Variants in RNF213 observed in about 807,000 individuals in gnomAD.
RNF213 encodes E3 ubiquitin-protein ligase RNF213.
Under a neutral mutation model 514.4 loss-of-function variants are expected in RNF213, and 341 were observed. The observed-to-expected ratio is 0.66, with a 90% confidence interval of 0.61 to 0.73. RNF213 has a LOEUF of 0.73. Ranked by LOEUF, RNF213 falls within the 30% of genes least tolerant of loss-of-function variation. The probability of loss-of-function intolerance (pLI) is 0.00; values close to 1 mark genes in which losing one functional copy is unlikely to be tolerated. For synonymous variants in RNF213, 2,655 were observed against 2,658.2 expected (o/e 1.00, Z 0.04); for missense variants, 5,767 against 6,615.6 (o/e 0.87, Z 4.45).
chr17:80,273,170 G>A, intron 2 of RNF213, 71 bp from the exon 3 acceptor site: 2 of 1,589,872 alleles, frequency 1.3e-6, no homozygotes, highest in Admixed American at 1.7e-5. Context: ...CTCGTGGGGA[G>A]GATTTCTGTT....
At chr17:80,303,478 C>T (rs1394772775) in intron 11 of RNF213, among the ~76,000 whole-genome samples, 2 of 152,148 alleles carry the variant, frequency 1.3e-5, no homozygotes, top group Non-Finnish European at 2.9e-5. Context: ...ATCCCAACTT[C>T]TGCTAAAGGC....
rs550220220 is a variant in RNF213 at position 80,360,107 on chromosome 17, C to G, written c.11101C>G (p.Leu3701Val). The change falls in exon 38 of 68, where the codon CTT becomes GTT. Residue 3701 changes from leucine to valine, a missense_variant. By Grantham distance (32) the Leu-to-Val change is conservative. This residue lies in a region of RNF213 where 919 missense variants were observed against 1,121.0 expected (regional missense o/e 0.82). Coordinates refer to ENST00000582970, the MANE Select transcript of RNF213 (RefSeq NM_001256071.3). ...AYIVVQNHMNLSENASNNVPF... is the reference protein window; with the variant it reads ...AYIVVQNHMNVSENASNNVPF... ...CATCGTGGTGCAGAACCACATGAAC[C>G]TTTCCGAGAACGCTTCCAACAACGT... The G allele has an allele frequency of 1.4e-5, 22 of 1,614,154 alleles. No homozygotes were observed. The highest frequency in any genetic ancestry group is 1.3e-4 in the Admixed American group (8 of 60,014).
Position 80,343,018 on chromosome 17 carries a change from G to A in RNF213, c.5990-114G>A, listed in dbSNP as rs1183676280. ...GGACGGGATTTCACCACGTTGACCA[G>A]GCTGGCTTTGAACTCCTGACCTCAA... On this transcript the variant is annotated intron_variant, in intron 26 of 67. Transcript: ENST00000582970. This position sits in a 1 kb window ranked among gnomAD's most constrained non-coding sequence, Gnocchi z 4.3. 15 of 835,552 alleles carry A rather than the reference G, an allele frequency of 1.8e-5. No individual in the cohort carries two copies. The highest frequency in any genetic ancestry group is 3.0e-5 in the Non-Finnish European group (15 of 498,316). The allele number at this position is 835,552 out of a possible 1,614,324, so 51.8% of individuals were successfully genotyped here.
intron 2 of RNF213, among the ~76,000 whole-genome samples, chr17:80,271,945 A>C (rs910388995): frequency 1.3e-4 from 19 of 149,976 alleles, no homozygotes; most frequent in Non-Finnish European, 2.2e-4. Flanking sequence ...GCACCACTGC[A>C]CTCCAGCCTG....
chr17:80,291,685 C>T lies in RNF213; in HGVS notation c.1329C>T (p.His443=), dbSNP rs1361628530. The T allele has an allele frequency of 6.2e-7, 1 of 1,614,146 alleles. No homozygotes were observed. Among genetic ancestry groups the T allele is most frequent in the East Asian group, 2.2e-5 (1 of 44,882 alleles). The part of the protein sequence containing the change: ...VEGIVCISKK[H]LDKYIPYKYV... Reference sequence around the variant, plus strand: ...GCATTGTCTGCATTTCCAAGAAGCACCTAGATAAATACATTCCTTACAAGT... The same window carrying T: ...GCATTGTCTGCATTTCCAAGAAGCATCTAGATAAATACATTCCTTACAAGT... Residue 443 remains histidine, a synonymous_variant, in exon 8 of 68, where the codon CAC becomes CAT. Coordinates refer to ENST00000582970, the MANE Select transcript of RNF213 (RefSeq NM_001256071.3).
chr17:80,384,059 T>G, intron 59 of RNF213, 131 bp downstream of exon 59: 1 of 1,147,548 alleles, frequency 8.7e-7, no homozygotes, highest in Non-Finnish European at 1.3e-6. Context: ...TTGAATAGGA[T>G]GTAGCAGAAG....
At chr17:80,262,603 G>A (rs899636150) in intron 1 of RNF213, among the ~76,000 whole-genome samples, 2 of 152,202 alleles carry the variant, frequency 1.3e-5, no homozygotes, top group African/African-American at 2.4e-5. Flanking sequence ...CTGTTTCATG[G>A]TGTGGATTTC....
intron 3 of RNF213, among the ~76,000 whole-genome samples, chr17:80,275,772 C>G (rs1016140981): frequency 5.3e-5 from 8 of 152,028 alleles, no homozygotes; most frequent in Non-Finnish European, 4.4e-5. Flanking sequence ...AAGTGATTGT[C>G]CTACTTCAGC....
chr17:80,393,341 T>C lies in RNF213; in HGVS notation c.15471-4T>C. 1 of 1,613,842 alleles carries C rather than the reference T, an allele frequency of 6.2e-7. No individual in the cohort carries two copies. Among genetic ancestry groups the C allele is most frequent in the Non-Finnish European group, 8.5e-7 (1 of 1,179,920 alleles). ...TTTAAATGCTCTCTTCTTTGGTTTT[T>C]CAGCCTGAGAGACACTCTCGTAAGT... On this transcript the variant is annotated splice_region_variant and splice_polypyrimidine_tract_variant and intron_variant, in intron 67 of 67. Coordinates refer to ENST00000582970, the MANE Select transcript of RNF213 (RefSeq NM_001256071.3).
chr17:80,274,459 G>A (rs996735569), intron 3 of RNF213, among the ~76,000 whole-genome samples: 3 of 147,854 alleles, frequency 2.0e-5, no homozygotes. Context: ...TTCTTGCTGG[G>A]CACGGAGAAG....
At chr17:80,298,904 G>A (rs2045068986) in intron 11 of RNF213, 2 of 287,342 alleles carry the variant, frequency 7.0e-6, no homozygotes, top group South Asian at 3.4e-5. Context: ...ACTAGAACCC[G>A]GGAGGTGGAG....
chr17:80,282,731 C>T (rs2044343580), intron 3 of RNF213, among the ~76,000 whole-genome samples: 1 of 151,872 alleles, frequency 6.6e-6, no homozygotes, highest in Admixed American at 6.6e-5. Context: ...GAGTGTTGCT[C>T]TGTCTCCCAG....
At chr17:80,349,011 C>T (rs528373104) in intron 29 of RNF213, among the ~76,000 whole-genome samples, 9 of 152,058 alleles carry the variant, frequency 5.9e-5, no homozygotes, top group Non-Finnish European at 1.0e-4. Flanking sequence ...GTAGGGAGGC[C>T]GCTGGAACCG....
In RNF213 at chr17:80,348,210, G is replaced by T. The variant is rs773432664; in HGVS notation, c.9875G>T (p.Arg3292Met). Residue 3292 changes from arginine (R) to methionine (M), a missense_variant, in exon 29 of 68, where the codon AGG becomes ATG. Arg to Met is a moderately conservative substitution (Grantham distance 91). Around this residue, in one of 13 missense-constraint regions of RNF213, gnomAD observed 919 missense variants for 1,121.0 expected, o/e 0.82. Coordinates refer to ENST00000582970, the MANE Select transcript of RNF213 (RefSeq NM_001256071.3). ...TCGCAGGAGTACTTTCACAGACAGA[G>T]GCACAACTCCTTTGCAGATTTCCTT... ...WLSQEYFHRQRHNSFADFLQA... is the reference protein window; with the variant it reads ...WLSQEYFHRQMHNSFADFLQA... 2 of 1,613,932 alleles carry T rather than the reference G, an allele frequency of 1.2e-6. No homozygotes were observed. Among genetic ancestry groups the T allele is most frequent in the African/African-American group, 2.7e-5 (2 of 74,960 alleles).
At chr17:80,323,834 T>TGGG (rs60020928) in intron 17 of RNF213, among the ~76,000 whole-genome samples, 2,112 of 133,858 alleles carry the variant, frequency 0.016, 53 homozygotes, top group African/African-American at 0.052. Flanking sequence ...TACTTTTTTT[T>TGGG]GGGGGGGGGT....
At chr17:80,278,634 A>G in intron 3 of RNF213, 1 of 1,167,016 alleles carries the variant, frequency 8.6e-7, no homozygotes, top group South Asian at 1.5e-5. Context: ...GTCAGTGCCC[A>G]CATGTGGGTG....
Position 80,336,268 on chromosome 17 carries a change from G to A in RNF213, c.4417G>A (p.Ala1473Thr), listed in dbSNP as rs1428500978. Reference protein sequence around the residue: ...ACFHDAVQGYASLLFKLDPSV... With the variant: ...ACFHDAVQGYTSLLFKLDPSV... The stretch of plus-strand genomic sequence containing the variant: ...CTTCCATGACGCTGTGCAGGGCTAC[G>A]CATCCCTGCTATTTAAGCTGGACCC... The change falls in exon 23 of 68, where the codon GCA (alanine) becomes ACA (threonine). Residue 1473 changes from alanine to threonine, a missense_variant. Ala to Thr is a moderately conservative substitution (Grantham distance 58). Transcript: ENST00000582970. 128 of 1,537,118 alleles carry A rather than the reference G, an allele frequency of 8.3e-5. No homozygotes were observed. The highest frequency in any genetic ancestry group is 2.4e-4 in the East Asian group (10 of 40,932).
Position 80,393,880 on chromosome 17 carries a change from T to C in RNF213, c.*382T>C, listed in dbSNP as rs1008885537. The C allele has an allele frequency of 4.2e-6, 1 of 240,504 alleles. No homozygotes were observed. Among genetic ancestry groups the C allele is most frequent in the Non-Finnish European group, 8.3e-6 (1 of 120,360 alleles). 14.9% of individuals were successfully genotyped at this position (240,504 alleles called of 1,614,324 possible). A position where few individuals can be genotyped will look rare whatever the true frequency, so the allele number is the denominator to read the frequency against. On this transcript the variant is annotated 3_prime_UTR_variant, in exon 68 of 68. Coordinates refer to ENST00000582970, the MANE Select transcript of RNF213 (RefSeq NM_001256071.3). ...CACTGCCCACCCCTCTTTTTTTTTT[T>C]CTTCTAATTCTGTACTCACAAAAGA...
chr17:80,382,613 C>T (rs1036311442), intron 57 of RNF213: 3 of 301,902 alleles, frequency 9.9e-6, no homozygotes, highest in Non-Finnish European at 1.9e-5. Flanking sequence ...GGACAGTTCC[C>T]GCAGCACTCC....
Sources: allele counts gnomAD v4.1 joint callset (sites outside exome capture counted in the v4.1 genomes callset), GRCh38; gene constraint gnomAD v4.1.1; regional missense constraint gnomAD v4.1.1; non-coding constraint Gnocchi (gnomAD v3.1); transcripts MANE v1.5; gene names NCBI Gene and HGNC (gene_info 2026-07-23, HGNC 2026-07-21).